The following TNRC6B variants were observed in gnomAD, a reference collection of about 807,000 sequenced individuals.
The protein encoded by TNRC6B is trinucleotide repeat-containing gene 6B protein.
A neutral mutation model predicts 203.6 loss-of-function variants in TNRC6B; 52 were observed. That is an observed-to-expected ratio of 0.26 (90% CI 0.20 to 0.32). TNRC6B has a LOEUF of 0.32. Among genes scored for constraint, TNRC6B ranks in the 10% least tolerant of loss-of-function variants. TNRC6B has a pLI of 1.00. For missense variants in TNRC6B, 1,923 were observed against 2,286.2 expected (o/e 0.84, Z 3.24); for synonymous variants, 838 against 845.7 (o/e 0.99, Z 0.16).
At chr22:40,142,508 A>T (rs1447482979) in intron 3 of TNRC6B, among the ~76,000 whole-genome samples, 2 of 152,168 alleles carry the variant, frequency 1.3e-5, no homozygotes, top group East Asian at 3.9e-4. Context: ...AAAAAATAAC[A>T]ATAACAATTC....
At chr22:40,142,151 T>C (rs2068649798) in intron 3 of TNRC6B, among the ~76,000 whole-genome samples, 1 of 150,408 alleles carries the variant, frequency 6.6e-6, no homozygotes, top group Admixed American at 6.6e-5. Flanking sequence ...CTTGAACTCC[T>C]AGGCTCAAAG....
chr22:40,114,964 T>G (rs2068373663), intron 1 of TNRC6B, among the ~76,000 whole-genome samples: 1 of 152,234 alleles, frequency 6.6e-6, no homozygotes, highest in Non-Finnish European at 1.5e-5. Context: ...TTTGAATACG[T>G]GTGTACCTGA....
rs772860753 is a variant in TNRC6B at position 40,265,699 on chromosome 22, A to C, written c.1469A>C (p.Asp490Ala). 6.2e-7 allele frequency: 1 copy of C among 1,613,958 alleles called. No individual in the cohort carries two copies. Among genetic ancestry groups the C allele is most frequent in the South Asian group, 1.1e-5 (1 of 91,080 alleles). Residue 490 changes from aspartate (D) to alanine (A), a missense_variant, in exon 5 of 23, where the codon GAC becomes GCC. Asp to Ala is a moderately radical substitution (Grantham distance 126). Coordinates refer to ENST00000454349, the MANE Select transcript of TNRC6B (RefSeq NM_001162501.2). Reference protein sequence around the residue: ...TGGSWNFGPQDSNDNKWGEGN... With the variant: ...TGGSWNFGPQASNDNKWGEGN... ...GGGTCCTGGAACTTTGGCCCCCAGGACTCTAATGACAACAAATGGGGTGAA... is the reference window on the plus strand; with the variant it reads ...GGGTCCTGGAACTTTGGCCCCCAGGCCTCTAATGACAACAAATGGGGTGAA...
At chr22:40,280,777 A>G (rs977672117) in intron 10 of TNRC6B, among the ~76,000 whole-genome samples, 5 of 152,244 alleles carry the variant, frequency 3.3e-5, no homozygotes, top group African/African-American at 1.2e-4. Flanking sequence ...AGACAGCAAC[A>G]TATTCACAAG....
At chr22:40,246,614 G>A (rs1003644590) in intron 2 of TNRC6B, among the ~76,000 whole-genome samples, 2 of 152,194 alleles carry the variant, frequency 1.3e-5, no homozygotes, top group African/African-American at 2.4e-5. Context: ...TAATGCTATG[G>A]CTGAGTTTTT....
At chr22:40,162,157 C>T (rs903177315) in intron 4 of TNRC6B, among the ~76,000 whole-genome samples, 4 of 152,120 alleles carry the variant, frequency 2.6e-5, no homozygotes, top group African/African-American at 7.2e-5. Context: ...AGTGCAATGG[C>T]GCAATCTCGG....
intron 22 of TNRC6B, chr22:40,321,862 T>C (rs140412107): frequency 2.4e-4 from 37 of 152,462 alleles, no homozygotes; most frequent in Non-Finnish European, 4.3e-4. Context: ...CTCCAGCCTC[T>C]TTGCAGATGA....
At chr22:40,103,920 G>A (rs959000598) in intron 1 of TNRC6B, among the ~76,000 whole-genome samples, 5 of 150,832 alleles carry the variant, frequency 3.3e-5, no homozygotes, top group Non-Finnish European at 7.4e-5. Flanking sequence ...TGGGATTACA[G>A]GCATGAGCCA....
intron 3 of TNRC6B, among the ~76,000 whole-genome samples, chr22:40,144,810 G>A (rs1238310573): frequency 6.8e-5 from 10 of 147,596 alleles, no homozygotes; most frequent in South Asian, 4.2e-4. Context: ...TTAAGCTTTC[G>A]AACATGTCAA....
At chr22:40,153,696 AATAT>A (rs1344260141) in intron 3 of TNRC6B, among the ~76,000 whole-genome samples, 3 of 151,858 alleles carry the variant, frequency 2.0e-5, no homozygotes, top group Admixed American at 6.6e-5. Context: ...GTTAGCACTG[AATAT>A]TGAGTTGAAC....
intron 3 of TNRC6B, among the ~76,000 whole-genome samples, chr22:40,136,201 A>G (rs999263776): frequency 4.6e-5 from 7 of 152,156 alleles, no homozygotes; most frequent in Non-Finnish European, 1.5e-5. Context: ...ACTTAGGTCG[A>G]TATTCTAAAT....
At chr22:40,070,003 GTTGTA>G (rs913514637) in intron 1 of TNRC6B, among the ~76,000 whole-genome samples, 5 of 152,072 alleles carry the variant, frequency 3.3e-5, no homozygotes, top group African/African-American at 9.7e-5. Context: ...AGGTACAAGT[GTTGTA>G]TTTATGTTTA....
intron 1 of TNRC6B, among the ~76,000 whole-genome samples, chr22:40,075,267 C>T (rs543498583): frequency 6.8e-6 from 1 of 147,378 alleles, no homozygotes; most frequent in African/African-American, 2.5e-5. Context: ...GTCTATTTCC[C>T]CTTTCAGTTC....
At position 40,247,845 on chromosome 22, in the gene TNRC6B, G is replaced by A. The variant is rs867043041; in HGVS notation, c.93+1743G>A. Among the ~76,000 whole-genome samples the A allele has an allele frequency of 2.6e-5, 4 of 152,270 alleles. No homozygotes were observed. In the Middle Eastern group the frequency reaches 0.01, roughly 391 times the overall value. On this transcript the variant is annotated intron_variant, in intron 2 of 22. Coordinates refer to ENST00000454349, the MANE Select transcript of TNRC6B (RefSeq NM_001162501.2). ...AACACTTTGGGAGGCCAAGGCAGGA[G>A]GGATCACTTGAGTCCAGGAGTTCGA...
At chr22:40,155,349 C>T (rs746696409) in intron 3 of TNRC6B, among the ~76,000 whole-genome samples, 11 of 152,102 alleles carry the variant, frequency 7.2e-5, no homozygotes, top group Non-Finnish European at 1.3e-4. Flanking sequence ...AGTACAGTGG[C>T]GTGATCTCGG....
chr22:40,253,643 C>T (rs1462929282), intron 3 of TNRC6B: 2 of 456,348 alleles, frequency 4.4e-6, no homozygotes, highest in Non-Finnish European at 8.8e-6. Flanking sequence ...GGTGAGAGGC[C>T]ATTTCAGTCT....
intron 3 of TNRC6B, among the ~76,000 whole-genome samples, chr22:40,134,384 G>T (rs2068580558): frequency 6.6e-6 from 1 of 152,182 alleles, no homozygotes; most frequent in Admixed American, 6.5e-5. Context: ...ATGTTCTGCA[G>T]AATACCTGAT....
intron 1 of TNRC6B, among the ~76,000 whole-genome samples, chr22:40,178,735 A>G (rs576324143): frequency 6.0e-4 from 89 of 147,588 alleles, no homozygotes; most frequent in African/African-American, 2.2e-3. Flanking sequence ...CTGCTTGAAA[A>G]CCTCCCAAGC....
chr22:40,286,259 A>C (rs964515698), intron 12 of TNRC6B, among the ~76,000 whole-genome samples: 2 of 152,190 alleles, frequency 1.3e-5, no homozygotes, highest in African/African-American at 4.8e-5. Context: ...GGCCAGGATC[A>C]CTTGAGTCCC....
Sources: gnomAD v4.1 joint callset for allele counts (sites outside exome capture counted in the v4.1 genomes callset) on GRCh38, gnomAD v4.1.1 for gene constraint, MANE v1.5 for transcripts, NCBI Gene and HGNC (gene_info 2026-07-23, HGNC 2026-07-21) for gene names.